ADCY1: variants seen among roughly 807,000 people sequenced by gnomAD.
ADCY1 encodes the protein adenylate cyclase type 1.
In ADCY1, 28 loss-of-function variants were observed where a neutral mutation model predicts 105.4. The ratio of observed to expected loss-of-function variants is 0.27; its 90% confidence interval spans 0.20 to 0.36. The LOEUF (loss-of-function observed/expected upper bound fraction) is 0.36. Among genes scored for constraint, ADCY1 ranks in the 10% least tolerant of loss-of-function variants. ADCY1 has a pLI of 1.00. For missense variants in ADCY1, 977 were observed against 1,434.2 expected (o/e 0.68, Z 5.15); for synonymous variants, 655 against 623.8 (o/e 1.05, Z -0.75).
rs374690294 is a variant in ADCY1, at chr7:45,714,375, G to C, written c.*380G>C. On this transcript the variant is annotated 3_prime_UTR_variant, in exon 20 of 20. Coordinates refer to ENST00000297323, the MANE Select transcript of ADCY1 (RefSeq NM_021116.4). ...CCAGGGTTACAGCAAGAGCCACTGA[G>C]GTGTGGCTGGCAGAGCAACTGAGGA... 1.7e-3 allele frequency: 352 copies of C among 211,796 alleles called. 6 individuals carry two copies. Among genetic ancestry groups the C allele is most frequent in the African/African-American group, 7.6e-3 (334 of 44,098 alleles). The allele number at this position is 211,796 out of a possible 1,614,324, so 13.1% of individuals were successfully genotyped here.
At chr7:45,644,749 A>G (rs1320280230) in intron 4 of ADCY1, among the ~76,000 whole-genome samples, 1 of 152,208 alleles carries the variant, frequency 6.6e-6, no homozygotes, top group Non-Finnish European at 1.5e-5. Flanking sequence ...CTGACTTTCC[A>G]TATTTATACA....
intron 14 of ADCY1, among the ~76,000 whole-genome samples, chr7:45,699,462 A>G (rs1199428553): frequency 6.6e-6 from 1 of 152,202 alleles, no homozygotes; most frequent in Non-Finnish European, 1.5e-5. Flanking sequence ...TGGATTCATT[A>G]ATTACTTTAG....
At chr7:45,598,450 A>G (rs1056015466) in intron 2 of ADCY1, among the ~76,000 whole-genome samples, 25 of 152,270 alleles carry the variant, frequency 1.6e-4, no homozygotes, top group Non-Finnish European at 7.3e-5. Context: ...ATAGAAAAGC[A>G]TTAAAGAGAC....
chr7:45,599,262 G>A (rs928316839), intron 2 of ADCY1, among the ~76,000 whole-genome samples: 1 of 151,966 alleles, frequency 6.6e-6, no homozygotes, highest in Non-Finnish European at 1.5e-5. Flanking sequence ...TCTGAGGACC[G>A]TCAAAAGTGG....
chr7:45,583,394 C>G (rs1792621378), intron 1 of ADCY1, among the ~76,000 whole-genome samples: 1 of 152,208 alleles, frequency 6.6e-6, no homozygotes, highest in South Asian at 2.1e-4. Flanking sequence ...AGCCTCTGAG[C>G]CCTGCAGAGG....
At chr7:45,711,867 A>ATATAT (rs1785246768) in intron 19 of ADCY1, among the ~76,000 whole-genome samples, 1 of 84,092 alleles carries the variant, frequency 1.2e-5, no homozygotes, top group Admixed American at 1.3e-4. Context: ...TTTTATTAAT[A>ATATAT]TATATTAAAT....
At chr7:45,696,040 C>T (rs1474869895) in intron 14 of ADCY1, among the ~76,000 whole-genome samples, 1 of 152,228 alleles carries the variant, frequency 6.6e-6, no homozygotes, top group Non-Finnish European at 1.5e-5. Flanking sequence ...CTTTAAGGCA[C>T]CAGAGGCCGT....
chr7:45,626,636 C>T (rs1221856678), intron 4 of ADCY1, among the ~76,000 whole-genome samples: 3 of 152,180 alleles, frequency 2.0e-5, no homozygotes, highest in Admixed American at 2.0e-4. Flanking sequence ...GCATCACCCC[C>T]GATAACTACA....
chr7:45,582,020 G>A (rs910414743), intron 1 of ADCY1, among the ~76,000 whole-genome samples: 14 of 151,732 alleles, frequency 9.2e-5, no homozygotes, highest in Middle Eastern at 6.8e-3. Flanking sequence ...ATTCACATGC[G>A]CCCTCACACT....
chr7:45,614,881 A>T (rs1024520181), intron 3 of ADCY1, among the ~76,000 whole-genome samples: 2 of 152,230 alleles, frequency 1.3e-5, no homozygotes, highest in Non-Finnish European at 2.9e-5. Flanking sequence ...TATATAAAAC[A>T]AGCATTGACA....
At chr7:45,640,205 TCTA>T (rs750230139) in intron 4 of ADCY1, among the ~76,000 whole-genome samples, 4 of 152,014 alleles carry the variant, frequency 2.6e-5, no homozygotes, top group Non-Finnish European at 4.4e-5. Context: ...AGCCAAAATA[TCTA>T]CATGGAGGGA....
At chr7:45,642,511 AT>A (rs959435749) in intron 4 of ADCY1, among the ~76,000 whole-genome samples, 26 of 152,020 alleles carry the variant, frequency 1.7e-4, no homozygotes, top group Non-Finnish European at 2.8e-4. Context: ...CCTCTGTGAC[AT>A]TTTTTTATGT....
intron 14 of ADCY1, among the ~76,000 whole-genome samples, chr7:45,700,385 GAAGCAATTCAGCCCCAAAGTTAGAGACT>G (rs1784974450): frequency 1.3e-5 from 2 of 152,200 alleles, no homozygotes; most frequent in Admixed American, 1.3e-4. Context: ...AGCTGAACAT[GAAGCAATTCAGCCCCAAAGTTAGAGACT>G]AAGTTCCTCT....
intron 5 of ADCY1, among the ~76,000 whole-genome samples, chr7:45,656,297 C>T (rs528567845): frequency 2.0e-5 from 3 of 148,120 alleles, no homozygotes; most frequent in South Asian, 2.2e-4. Flanking sequence ...AGCGAAACTC[C>T]GTCTCAAAAA....
rs1445138024 is a variant in ADCY1, at chr7:45,574,878, G to T, written c.335G>T (p.Arg112Leu). 6.2e-7 allele frequency: 1 copy of T among 1,611,614 alleles called. No individual in the cohort carries two copies. The highest frequency in any genetic ancestry group is 2.2e-5 in the East Asian group (1 of 44,824). Reference sequence around the variant, plus strand: ...GCGCTGCTCGTGGTAACCAACGTCCGGTCCCTGCAGGTGCCCCAGCTGCAG... The same window carrying T: ...GCGCTGCTCGTGGTAACCAACGTCCTGTCCCTGCAGGTGCCCCAGCTGCAG... ...FLALLVVTNVRSLQVPQLQQV... is the reference protein window; with the variant it reads ...FLALLVVTNVLSLQVPQLQQV... The change falls in exon 1 of 20, where the codon CGG becomes CTG. Residue 112 changes from arginine (R) to leucine (L), a missense_variant. Coordinates refer to ENST00000297323, the MANE Select transcript of ADCY1 (RefSeq NM_021116.4). This position sits in a 1 kb window ranked among gnomAD's most constrained non-coding sequence, Gnocchi z 7.0.
chr7:45,650,211 A>G (rs1794772769), intron 5 of ADCY1, among the ~76,000 whole-genome samples: 1 of 152,114 alleles, frequency 6.6e-6, no homozygotes, highest in Admixed American at 6.5e-5. Flanking sequence ...AATATATATC[A>G]CATATATCAC....
intron 4 of ADCY1, among the ~76,000 whole-genome samples, chr7:45,637,562 A>C (rs1458662508): frequency 6.6e-6 from 1 of 151,998 alleles, no homozygotes; most frequent in Non-Finnish European, 1.5e-5. Flanking sequence ...TTTCTACTGA[A>C]AAAAAGAAAA....
chr7:45,591,283 C>T lies in ADCY1; in HGVS notation c.640-1476C>T, dbSNP rs1197095820. ...GGTGGCCAGGAGCTGCCAGGTCTCCCTCCTAGAGCCGTCTGGGGGCCCCAT... is the reference window on the plus strand; with the variant it reads ...GGTGGCCAGGAGCTGCCAGGTCTCCTTCCTAGAGCCGTCTGGGGGCCCCAT... On this transcript the variant is annotated intron_variant, in intron 1 of 19. Transcript: ENST00000297323. The surrounding 1 kb of genome is among the most constrained non-coding windows in gnomAD (Gnocchi z 4.1). 1.3e-5 allele frequency among the ~76,000 whole-genome samples: 2 copies of T among 152,204 alleles called. No homozygotes were observed. Among genetic ancestry groups the T allele is most frequent in the Non-Finnish European group, 2.9e-5 (2 of 68,042 alleles).
chr7:45,580,956 G>T (rs1376819752), intron 1 of ADCY1, among the ~76,000 whole-genome samples: 1 of 152,196 alleles, frequency 6.6e-6, no homozygotes, highest in Non-Finnish European at 1.5e-5. Context: ...CATCTCTGAG[G>T]TTGAGAGGGC....
Sources: gnomAD v4.1 joint callset for allele counts (sites outside exome capture counted in the v4.1 genomes callset) on GRCh38, gnomAD v4.1.1 for gene constraint, Gnocchi (gnomAD v3.1) non-coding constraint, MANE v1.5 for transcripts, NCBI Gene and HGNC (gene_info 2026-07-23, HGNC 2026-07-21) for gene names.